The following WWP2 variants were observed in gnomAD, a reference collection of about 807,000 sequenced individuals.
WWP2 encodes the protein NEDD4-like E3 ubiquitin-protein ligase WWP2.
In WWP2, 57 loss-of-function variants were observed where a neutral mutation model predicts 121.0. The observed-to-expected ratio is 0.47, with a 90% CI of 0.38 to 0.59. The LOEUF is 0.59. Ranked by LOEUF, WWP2 falls within the 20% of genes least tolerant of loss-of-function variation. The pLI is 0.00. For missense variants in WWP2, 962 were observed against 1,158.9 expected (o/e 0.83, Z 2.47); for synonymous variants, 449 against 441.3 (o/e 1.02, Z -0.22).
chr16:69,870,058 C>G (rs1228346409), intron 6 of WWP2, among the ~76,000 whole-genome samples: 2 of 152,210 alleles, frequency 1.3e-5, no homozygotes, highest in African/African-American at 2.4e-5. Context: ...AGGCTCTTGA[C>G]ATTAAACTGC....
intron 4 of WWP2, among the ~76,000 whole-genome samples, chr16:69,822,324 G>A (rs550033956): frequency 1.5e-4 from 23 of 152,338 alleles, no homozygotes; most frequent in South Asian, 1.0e-3. Context: ...CTTTCGTGCA[G>A]TAAGCACCTT....
intron 16 of WWP2, chr16:69,933,133 A>C (rs1477409800): frequency 2.0e-6 from 1 of 509,880 alleles, no homozygotes; most frequent in Non-Finnish European, 4.1e-6. Context: ...AGGTTACGTC[A>C]TGCTGTTCTA....
rs372951495 is a variant in WWP2 at position 69,931,241 on chromosome 16, C to T, written c.1521+14C>T. 57 of 1,613,874 alleles carry T rather than the reference C, an allele frequency of 3.5e-5. No individual in the cohort carries two copies. Among genetic ancestry groups the T allele is most frequent in the Non-Finnish European group, 4.6e-5 (54 of 1,179,968 alleles). On this transcript the variant is annotated intron_variant, in intron 14 of 23. Coordinates refer to ENST00000359154, the MANE Select transcript of WWP2 (RefSeq NM_001270454.2). ...TTCCTCTGCCATGTGAGTTCTGGTA[C>T]TGGGGCTCCCGTGGCAGTTGGGGTT...
intron 9 of WWP2, chr16:69,909,693 G>A: frequency 2.0e-6 from 2 of 985,150 alleles, no homozygotes; most frequent in Non-Finnish European, 2.4e-6. Flanking sequence ...GTTAAACATG[G>A]ACTTCTCAAA....
intron 9 of WWP2, among the ~76,000 whole-genome samples, chr16:69,916,718 G>C (rs1403779538): frequency 6.6e-6 from 1 of 152,136 alleles, no homozygotes; most frequent in Non-Finnish European, 1.5e-5. Flanking sequence ...TGTGGGGAGA[G>C]AGCTGTGGCA....
At chr16:69,874,189 C>G (rs542732137) in intron 7 of WWP2, among the ~76,000 whole-genome samples, 2 of 152,326 alleles carry the variant, frequency 1.3e-5, no homozygotes, top group Admixed American at 6.5e-5. Flanking sequence ...GGTGGTTCAC[C>G]TTTACCTCAC....
chr16:69,783,762 G>A (rs1009525876), intron 1 of WWP2, among the ~76,000 whole-genome samples: 6 of 127,668 alleles, frequency 4.7e-5, no homozygotes, highest in African/African-American at 1.9e-4. Context: ...TCTGGGCAAC[G>A]TAGTGAGACC....
intron 1 of WWP2, among the ~76,000 whole-genome samples, chr16:69,778,190 A>AT (rs1343790913): frequency 0.012 from 1,248 of 103,768 alleles, 16 homozygotes; most frequent in East Asian, 0.11. Flanking sequence ...ATATATATAT[A>AT]TATTTTTTTT....
chr16:69,868,661 GCACACACACA>G lies in WWP2; in HGVS notation c.576-3120_576-3111del, dbSNP rs57674223. 7.3e-3 allele frequency among the ~76,000 whole-genome samples: 1,093 copies of G among 149,076 alleles called. 12 individuals are homozygous for G. Among genetic ancestry groups the G allele is most frequent in the African/African-American group, 0.021 (844 of 40,820 alleles). On this transcript the variant is annotated intron_variant, in intron 6 of 23. Coordinates refer to ENST00000359154, the MANE Select transcript of WWP2 (RefSeq NM_001270454.2). ...CTCTGCCCTCAACACATACACATGT[GCACACACACA>G]CACACACACACACACACACACAGAC...
chr16:69,923,731 C>A (rs2058598007), intron 10 of WWP2, among the ~76,000 whole-genome samples: 1 of 152,226 alleles, frequency 6.6e-6, no homozygotes, highest in Non-Finnish European at 1.5e-5. Flanking sequence ...TTCCCTTTTG[C>A]AAGGTCACTG....
chr16:69,764,612 A>T (rs1318292261), intron 1 of WWP2, among the ~76,000 whole-genome samples: 3 of 152,188 alleles, frequency 2.0e-5, no homozygotes, highest in Non-Finnish European at 1.5e-5. Flanking sequence ...AAAACGCTGT[A>T]CTCTACCATA....
At chr16:69,785,052 A>G (rs1033899864) in intron 1 of WWP2, among the ~76,000 whole-genome samples, 1 of 152,048 alleles carries the variant, frequency 6.6e-6, no homozygotes, top group Non-Finnish European at 1.5e-5. Flanking sequence ...CTTGGCCAAC[A>G]TGGCGAAACC....
chr16:69,894,042 G>A (rs2058070037), intron 8 of WWP2, among the ~76,000 whole-genome samples: 1 of 151,784 alleles, frequency 6.6e-6, no homozygotes, highest in South Asian at 2.1e-4. Context: ...GGTTCTCTTG[G>A]GGATCTCATG....
intron 8 of WWP2, among the ~76,000 whole-genome samples, chr16:69,891,577 A>G (rs1230426187): frequency 2.0e-5 from 3 of 152,194 alleles, no homozygotes. Flanking sequence ...TGGGTATGGC[A>G]GATGCAGTGC....
At chr16:69,783,475 G>C (rs979207180) in intron 1 of WWP2, among the ~76,000 whole-genome samples, 4 of 152,028 alleles carry the variant, frequency 2.6e-5, no homozygotes, top group African/African-American at 9.7e-5. Flanking sequence ...GTTCGAGGCT[G>C]CCGTGAGCCA....
intron 6 of WWP2, among the ~76,000 whole-genome samples, chr16:69,847,230 A>G (rs2057099389): frequency 6.6e-6 from 1 of 151,958 alleles, no homozygotes; most frequent in Admixed American, 6.6e-5. Context: ...GACTACAGGC[A>G]CATGCCACCA....
intron 10 of WWP2, among the ~76,000 whole-genome samples, chr16:69,922,919 T>C (rs2058583804): frequency 1.3e-5 from 2 of 152,090 alleles, no homozygotes; most frequent in South Asian, 4.2e-4. Context: ...AGACGGAGTC[T>C]CGCTCTGTTG....
At chr16:69,864,795 A>G (rs910950749) in intron 6 of WWP2, among the ~76,000 whole-genome samples, 3 of 150,946 alleles carry the variant, frequency 2.0e-5, no homozygotes, top group Admixed American at 1.3e-4. Flanking sequence ...GATTTTTAAT[A>G]GAGAAGGGGT....
intron 1 of WWP2, among the ~76,000 whole-genome samples, chr16:69,784,387 A>G (rs1387452816): frequency 3.3e-5 from 5 of 152,174 alleles, no homozygotes; most frequent in Non-Finnish European, 7.3e-5. Context: ...GGCGTGAGCC[A>G]CTGTGCCTGG....
Sources: gnomAD v4.1 joint callset for allele counts (sites outside exome capture counted in the v4.1 genomes callset) on GRCh38, gnomAD v4.1.1 for gene constraint, MANE v1.5 for transcripts, NCBI Gene and HGNC (gene_info 2026-07-23, HGNC 2026-07-21) for gene names.